The following SRGAP2B variants were observed in gnomAD, a reference collection of about 807,000 sequenced individuals.
SRGAP2B encodes the protein SLIT-ROBO Rho GTPase activating protein 2B, also known as SLIT-ROBO Rho GTPase-activating protein 2B.
In SRGAP2B, 9 loss-of-function variants were observed where a neutral mutation model predicts 22.2. That is an observed-to-expected ratio of 0.41 (90% CI 0.24 to 0.71). The LOEUF is 0.71. SRGAP2B is among the 30% of genes least tolerant of loss of function. The pLI, the probability that SRGAP2B is intolerant of heterozygous loss-of-function variation, is 0.35. For synonymous variants in SRGAP2B, 36 were observed against 87.4 expected, an observed-to-expected ratio of 0.41 and a Z score of 3.28; for missense variants, 114 against 235.8, an observed-to-expected ratio of 0.48 and a Z score of 3.38.
At chr1:144,916,061 A>G (rs1197537136) in intron 4 of SRGAP2B, among the ~76,000 whole-genome samples, 1 of 149,448 alleles carries the variant, frequency 6.7e-6, no homozygotes, top group East Asian at 1.9e-4. Context: ...AGGTACATAC[A>G]TCTCTACTTA....
chr1:144,932,282 TA>T (rs1230030081), intron 4 of SRGAP2B, among the ~76,000 whole-genome samples: 2 of 150,520 alleles, frequency 1.3e-5, no homozygotes, highest in African/African-American at 5.0e-5. Context: ...GTCACGGCCA[TA>T]TTTAACAAGA....
chr1:145,058,000 C>T (rs1553630712), intron 2 of SRGAP2B, among the ~76,000 whole-genome samples: 1 of 139,298 alleles, frequency 7.2e-6, no homozygotes, highest in Non-Finnish European at 1.5e-5. Flanking sequence ...CAGCGCCAAC[C>T]CAAACCCATT....
At chr1:145,027,022 T>TG (rs1647834557) in intron 2 of SRGAP2B, among the ~76,000 whole-genome samples, 1 of 112,852 alleles carries the variant, frequency 8.9e-6, no homozygotes, top group Admixed American at 8.7e-5. Context: ...TTTTTTTTTT[T>TG]TTTTTTTTTT....
At chr1:144,965,100 T>C in intron 3 of SRGAP2B, 2 of 1,300,810 alleles carry the variant, frequency 1.5e-6, no homozygotes, top group Non-Finnish European at 2.2e-6. Flanking sequence ...TTTAGAAGGA[T>C]GCTTGGATTG....
At chr1:145,016,712 A>ACTTG (rs1672439402) in intron 2 of SRGAP2B, among the ~76,000 whole-genome samples, 1 of 125,764 alleles carries the variant, frequency 8.0e-6, no homozygotes, top group Non-Finnish European at 1.6e-5. Context: ...ACACTACATG[A>ACTTG]CTTGCTTTGA....
At chr1:145,009,786 T>TA (rs1254250397) in intron 2 of SRGAP2B, among the ~76,000 whole-genome samples, 1 of 124,458 alleles carries the variant, frequency 8.0e-6, no homozygotes, top group East Asian at 2.2e-4. Context: ...AGACAATAAA[T>TA]AAAACAGAAA....
At chr1:144,963,165 G>A (rs1667803976) in intron 3 of SRGAP2B, among the ~76,000 whole-genome samples, 2 of 150,780 alleles carry the variant, frequency 1.3e-5, no homozygotes, top group African/African-American at 5.0e-5. Context: ...CAGAACTATA[G>A]GGAGGAATGA....
chr1:144,965,805 G>A, intron 3 of SRGAP2B, among the ~76,000 whole-genome samples: 1 of 142,124 alleles, frequency 7.0e-6, no homozygotes, highest in South Asian at 2.2e-4. Flanking sequence ...AGGAGCTGAT[G>A]GAGCTGAAAA....
chr1:144,988,990 C>A, intron 3 of SRGAP2B, among the ~76,000 whole-genome samples: 2 of 132,092 alleles, frequency 1.5e-5, no homozygotes, highest in South Asian at 5.0e-4. Flanking sequence ...TTCCTTTCCA[C>A]TCCCCCCACT....
At chr1:144,904,051 G>C (rs1662805522) in intron 7 of SRGAP2B, among the ~76,000 whole-genome samples, 1 of 142,794 alleles carries the variant, frequency 7.0e-6, no homozygotes, top group Admixed American at 7.0e-5. Context: ...CCCTGCGCTT[G>C]CCCCTTGCAA....
At chr1:144,965,173 G>A (rs1372461666) in intron 3 of SRGAP2B, 71 of 1,072,074 alleles carry the variant, frequency 6.6e-5, no homozygotes, top group Admixed American at 9.0e-5. Context: ...CAAGATGGCC[G>A]AATAGGAACA....
intron 4 of SRGAP2B, among the ~76,000 whole-genome samples, chr1:144,930,776 G>A (rs1402100984): frequency 6.7e-6 from 1 of 148,172 alleles, no homozygotes; most frequent in African/African-American, 2.6e-5. Flanking sequence ...GATATGTCTG[G>A]CATCTGTCTC....
chr1:145,006,692 T>C (rs1312105660), intron 2 of SRGAP2B, among the ~76,000 whole-genome samples: 1 of 150,454 alleles, frequency 6.6e-6, no homozygotes, highest in East Asian at 1.9e-4. Flanking sequence ...TTGACCACAG[T>C]TTTTTTTTAT....
At chr1:145,021,979 G>A (rs1366335180) in intron 2 of SRGAP2B, among the ~76,000 whole-genome samples, 1 of 145,488 alleles carries the variant, frequency 6.9e-6, no homozygotes, top group East Asian at 2.0e-4. Flanking sequence ...CCTGTGGGAA[G>A]GGCACCACCC....
Position 144,984,362 on chromosome 1 carries a change from C to A in SRGAP2B, c.260+10646G>T, listed in dbSNP as rs868962483. On this transcript the variant is annotated intron_variant, in intron 3 of 9. Transcript: ENST00000612199. ...ACAACAACAACAACAACAACAACAA[C>A]AACAAAAAAAAAAAAACAAAAAAGC... Among the ~76,000 whole-genome samples, 169 of 111,082 alleles carry A rather than the reference C, an allele frequency of 1.5e-3. 2 individuals carry two copies. The highest frequency in any genetic ancestry group is 4.6e-3 in the African/African-American group (145 of 31,706). The allele number at this position is 111,082 out of a possible 152,430, so 72.9% of individuals were successfully genotyped here.
intron 3 of SRGAP2B, among the ~76,000 whole-genome samples, chr1:144,976,821 A>C (rs1189701897): frequency 1.8e-5 from 1 of 54,360 alleles, no homozygotes; most frequent in South Asian, 1.0e-3. Context: ...ATAAACCAAC[A>C]ACCAGACCAA....
At chr1:144,984,183 C>T (rs1423468949) in intron 3 of SRGAP2B, among the ~76,000 whole-genome samples, 2 of 150,002 alleles carry the variant, frequency 1.3e-5, no homozygotes, top group Non-Finnish European at 2.9e-5. Flanking sequence ...AGCCTGGCGT[C>T]GTGGCGCATG....
chr1:145,035,955 A>C (rs1477657300), intron 2 of SRGAP2B, among the ~76,000 whole-genome samples: 17 of 143,404 alleles, frequency 1.2e-4, no homozygotes, highest in East Asian at 2.0e-4. Flanking sequence ...AAAAAAAAAA[A>C]CCCACGATAA....
At chr1:144,990,759 GCTGGCCC>G in intron 3 of SRGAP2B, among the ~76,000 whole-genome samples, 1 of 151,368 alleles carries the variant, frequency 6.6e-6, no homozygotes, top group Admixed American at 6.6e-5. Flanking sequence ...GGCCAGCCCT[GCTGGCCC>G]CGGGCAATGG....
Sources: allele counts gnomAD v4.1 joint callset (sites outside exome capture counted in the v4.1 genomes callset), GRCh38; gene constraint gnomAD v4.1.1; transcripts MANE v1.5; gene names NCBI Gene and HGNC (gene_info 2026-07-23, HGNC 2026-07-21).